OPTN: variants seen among roughly 807,000 people sequenced by gnomAD.
OPTN encodes the protein optineurin.
Under a neutral mutation model 70.4 loss-of-function variants are expected in OPTN, and 54 were observed. The ratio of observed to expected loss-of-function variants is 0.77; its 90% CI spans 0.62 to 0.96. OPTN has a LOEUF of 0.96. Ranked by LOEUF, OPTN falls within the 40% of genes least tolerant of loss-of-function variation. The pLI is 0.00. For missense variants in OPTN, 624 were observed against 673.2 expected, an observed-to-expected ratio of 0.93 and a Z score of 0.81; for synonymous variants, 256 against 248.5, an observed-to-expected ratio of 1.03 and a Z score of -0.28.
Position 13,119,021 on chromosome 10 carries a change from C to G in OPTN, c.760C>G (p.Leu254Val). The G allele has an allele frequency of 6.2e-7, 1 of 1,614,100 alleles. No homozygotes were observed. Among genetic ancestry groups the G allele is most frequent in the Non-Finnish European group, 8.5e-7 (1 of 1,180,002 alleles). ...NQKVERLEVALKEAKERVSDF... is the reference protein window; with the variant it reads ...NQKVERLEVAVKEAKERVSDF... The stretch of plus-strand genomic sequence containing the variant: ...GAAGGTGGAGAGACTTGAAGTTGCA[C>G]TCAAGGAGGCCAAAGAAAGGTATGA... Residue 254 changes from leucine to valine, a missense_variant, in exon 7 of 15, where the codon CTC becomes GTC. Coordinates refer to ENST00000378747, the MANE Select transcript of OPTN (RefSeq NM_001008212.2).
chr10:13,116,183 C>A (rs1833203427), intron 5 of OPTN, 84 bp from the exon 6 acceptor site: 1 of 964,038 alleles, frequency 1.0e-6, no homozygotes. Context: ...CACAAAAATT[C>A]ATCTTTTGTC....
intron 1 of OPTN, among the ~76,000 whole-genome samples, chr10:13,107,302 G>A (rs1588431779): frequency 6.6e-6 from 1 of 151,642 alleles, no homozygotes; most frequent in East Asian, 2.0e-4. Flanking sequence ...TTGAACCCAG[G>A]AGGTGGAGGT....
chr10:13,122,273 C>G (rs1252924300), intron 7 of OPTN, 112 bp from the exon 8 acceptor site: 20 of 764,970 alleles, frequency 2.6e-5, no homozygotes, highest in Non-Finnish European at 3.9e-5. Flanking sequence ...TTGAAAACCC[C>G]TGATCCTTTA....
chr10:13,115,028 T>TG (rs1491565710), intron 5 of OPTN, among the ~76,000 whole-genome samples: 50 of 50,008 alleles, frequency 1.0e-3, no homozygotes, highest in African/African-American at 3.0e-3. Flanking sequence ...TATATCTATA[T>TG]TTATATATTT....
chr10:13,114,802 A>AAT (rs1833098471), intron 5 of OPTN, among the ~76,000 whole-genome samples: 25 of 7,256 alleles, frequency 3.4e-3, no homozygotes, highest in Non-Finnish European at 0.012. Context: ...AATTATATAT[A>AAT]CATATATATA....
intron 9 of OPTN, among the ~76,000 whole-genome samples, chr10:13,124,663 G>A (rs780080946): frequency 1.3e-5 from 2 of 152,174 alleles, no homozygotes; most frequent in African/African-American, 4.8e-5. Flanking sequence ...AGCACAATAC[G>A]GAGGTGTGTG....
At chr10:13,110,146 G>T in intron 3 of OPTN, 128 bp from the exon 4 acceptor site, 1 of 1,528,722 alleles carries the variant, frequency 6.5e-7, no homozygotes, top group East Asian at 2.4e-5. Flanking sequence ...GCTGACCCTT[G>T]GGCCAAGGCT....
At chr10:13,100,832 C>T (rs964076265) in intron 1 of OPTN, among the ~76,000 whole-genome samples, 1 of 152,110 alleles carries the variant, frequency 6.6e-6, no homozygotes, top group African/African-American at 2.4e-5. Flanking sequence ...TTGTTTTTGC[C>T]ATCGAAATGC....
At position 13,112,702 on chromosome 10, in the gene OPTN, TACC is replaced by T. The variant is rs1349424445; in HGVS notation, c.552+70_552+72del. 61 of 1,464,052 alleles carry T rather than the reference TACC, an allele frequency of 4.2e-5. 1 individual carries two copies. In the Middle Eastern group the frequency reaches 3.0e-3, roughly 71 times the overall value. The allele number at this position is 1,464,052 out of a possible 1,614,324, so 90.7% of individuals were successfully genotyped here. A position where few individuals can be genotyped will look rare whatever the true frequency, so the allele number is the denominator to read the frequency against. On this transcript the variant is annotated intron_variant, in intron 5 of 14. Coordinates refer to ENST00000378747, the MANE Select transcript of OPTN (RefSeq NM_001008212.2). ...GCCTCCCCTGGAAAGATGAAACAAA[TACC>T]ACTTTTTCTTGTCAACACAAGCCAA... is the stretch of plus-strand genomic sequence containing the variant.
At chr10:13,100,427 G>A (rs1481259035) in intron 1 of OPTN, 125 bp downstream of exon 1, 1 of 152,326 alleles carries the variant, frequency 6.6e-6, no homozygotes, top group Non-Finnish European at 1.5e-5. Flanking sequence ...GTCGGGGTGA[G>A]GGTGGCGAGG....
intron 14 of OPTN, among the ~76,000 whole-genome samples, chr10:13,136,047 T>A (rs943910352): frequency 6.6e-6 from 1 of 151,930 alleles, no homozygotes; most frequent in Non-Finnish European, 1.5e-5. Flanking sequence ...ACTAGCCAGG[T>A]GTGGTGGCAC....
At chr10:13,106,443 G>T (rs979398453) in intron 1 of OPTN, among the ~76,000 whole-genome samples, 4 of 152,148 alleles carry the variant, frequency 2.6e-5, no homozygotes, top group Admixed American at 6.5e-5. Context: ...AGTGAATTTG[G>T]GTGTGTGACA....
At position 13,136,916 on chromosome 10, in the gene OPTN, C is replaced by A. The variant is rs1833714001; in HGVS notation, c.*50C>A. ...ACTGTTGGTAAATGTCAGATTTTTT[C>A]CTCCAAGAGTTGTGCTTTTGTGTTA... is the stretch of plus-strand genomic sequence containing the variant. On this transcript the variant is annotated 3_prime_UTR_variant, in exon 15 of 15. Coordinates refer to ENST00000378747, the MANE Select transcript of OPTN (RefSeq NM_001008212.2). 6.2e-7 allele frequency: 1 copy of A among 1,610,966 alleles called. No homozygotes were observed. The highest frequency in any genetic ancestry group is 8.5e-7 in the Non-Finnish European group (1 of 1,177,644).
intron 12 of OPTN, 58 bp from the exon 13 acceptor site, chr10:13,132,009 C>G (rs1564368664): frequency 6.4e-7 from 1 of 1,565,666 alleles, no homozygotes. Context: ...CGCATAAACA[C>G]TGTAAGAATC....
rs777838923 is a variant in OPTN at position 13,126,018 on chromosome 10, T to A, written c.1221T>A (p.Ile407=). ...LQEHNNALKT[I]EELTRKESEK... ...AACATAATAATGCATTGAAAACAATTGAGGAACTAACAAGAAAAGAGGTAT... is the reference window on the plus strand; with the variant it reads ...AACATAATAATGCATTGAAAACAATAGAGGAACTAACAAGAAAAGAGGTAT... Residue 407 remains isoleucine, a synonymous_variant, in exon 11 of 15, where the codon ATT becomes ATA. Transcript: ENST00000378747. The A allele has an allele frequency of 2.5e-6, 4 of 1,610,014 alleles. No individual in the cohort carries two copies. In the Admixed American group the frequency reaches 5.0e-5, roughly 20 times the overall value.
intron 12 of OPTN, 77 bp downstream of exon 12, chr10:13,127,980 A>G (rs1833505111): frequency 6.7e-7 from 1 of 1,487,622 alleles, no homozygotes; most frequent in African/African-American, 1.4e-5. Context: ...AATGGTGTTT[A>G]GAATGTTTGT....
chr10:13,127,924 C>A, intron 12 of OPTN, 21 bp downstream of exon 12: 1 of 1,613,812 alleles, frequency 6.2e-7, no homozygotes, highest in Non-Finnish European at 8.5e-7. Flanking sequence ...TTCCAAAACC[C>A]CAGCTGAGCG....
chr10:13,119,758 T>C (rs1367847823), intron 7 of OPTN, among the ~76,000 whole-genome samples: 2 of 152,208 alleles, frequency 1.3e-5, no homozygotes, highest in South Asian at 4.1e-4. Flanking sequence ...CTAGTGGATG[T>C]GAATTGGTAT....
chr10:13,114,822 T>TTATATAATTATATATACATA lies in OPTN; in HGVS notation c.553-1431_553-1430insTACATATATATAATTATATA, dbSNP rs1833105892. Among the ~76,000 whole-genome samples, 3 of 105,660 alleles carry TTATATAATTATATATACATA rather than the reference T, an allele frequency of 2.8e-5. 1 individual carries two copies. The highest frequency in any genetic ancestry group is 1.1e-4 in the African/African-American group (3 of 27,050). 69.3% of individuals were successfully genotyped at this position (105,660 alleles called of 152,430 possible). On this transcript the variant is annotated intron_variant, in intron 5 of 14. Transcript: ENST00000378747. ...TATATACATATATATAATTATATAA[T>TTATATAATTATATATACATA]TATATAATTATATAATTATATAATT... is the stretch of plus-strand genomic sequence containing the variant.
Sources: gnomAD v4.1 joint callset for allele counts (sites outside exome capture counted in the v4.1 genomes callset) on GRCh38, gnomAD v4.1.1 for gene constraint, MANE v1.5 for transcripts, NCBI Gene and HGNC (gene_info 2026-07-23, HGNC 2026-07-21) for gene names.